The following RMDN2 variants were observed in gnomAD, a reference collection of about 807,000 sequenced individuals.
RMDN2 encodes the protein regulator of microtubule dynamics protein 2.
RMDN2 carries 61 observed loss-of-function variants against 52.8 expected under a neutral mutation model. The ratio of observed to expected loss-of-function variants is 1.16; its 90% CI spans 0.94 to 1.43. RMDN2 has a LOEUF of 1.43. Ranked by LOEUF, RMDN2 falls within the 40% of genes most tolerant of loss-of-function variation. RMDN2 has a pLI of 0.00. For missense variants in RMDN2, 592 were observed against 475.3 expected (o/e 1.25, Z -2.28); for synonymous variants, 180 against 153.1 (o/e 1.18, Z -1.30).
intron 10 of RMDN2, among the ~76,000 whole-genome samples, chr2:38,063,736 G>A (rs1682149863): frequency 6.6e-6 from 1 of 152,024 alleles, no homozygotes; most frequent in African/African-American, 2.4e-5. Context: ...TCAAAAAGTG[G>A]GCGAAGGATA....
intron 10 of RMDN2, among the ~76,000 whole-genome samples, chr2:38,013,968 C>T (rs920508711): frequency 1.3e-5 from 2 of 151,960 alleles, no homozygotes; most frequent in African/African-American, 2.4e-5. Flanking sequence ...GCACTTTGGG[C>T]GGCCGAGGCG....
intron 7 of RMDN2, among the ~76,000 whole-genome samples, chr2:37,994,057 T>C (rs1675182090): frequency 6.6e-6 from 1 of 152,192 alleles, no homozygotes; most frequent in African/African-American, 2.4e-5. Flanking sequence ...TACCTTTAGA[T>C]AGGCTTTGTC....
At chr2:37,946,051 C>G (rs1668192879) in intron 2 of RMDN2, among the ~76,000 whole-genome samples, 1 of 152,172 alleles carries the variant, frequency 6.6e-6, no homozygotes, top group East Asian at 1.9e-4. Context: ...CAGGTGGGTT[C>G]AACATACTAT....
intron 10 of RMDN2, among the ~76,000 whole-genome samples, chr2:38,046,852 G>A (rs868682876): frequency 1.6e-4 from 25 of 151,972 alleles, no homozygotes; most frequent in African/African-American, 5.8e-4. Flanking sequence ...GCCTAGTGGC[G>A]GGTGCCTGTA....
intron 2 of RMDN2, chr2:37,963,074 T>G (rs959647942): frequency 6.5e-6 from 1 of 152,708 alleles, no homozygotes; most frequent in African/African-American, 2.4e-5. Context: ...GTACCTCAAA[T>G]GGAAATGCAG....
intron 10 of RMDN2, among the ~76,000 whole-genome samples, chr2:38,005,398 C>G (rs1288865422): frequency 1.3e-5 from 2 of 152,170 alleles, no homozygotes; most frequent in South Asian, 4.1e-4. Flanking sequence ...GCCATTCTAA[C>G]TGGTGTGAGA....
intron 7 of RMDN2, among the ~76,000 whole-genome samples, chr2:37,997,125 T>G (rs191814340): frequency 1.5e-3 from 228 of 152,196 alleles, no homozygotes; most frequent in African/African-American, 5.2e-3. Context: ...TTCCTCTGAT[T>G]TGACACAAAT....
At chr2:37,951,380 C>G in intron 2 of RMDN2, 1 of 1,613,256 alleles carries the variant, frequency 6.2e-7, no homozygotes, top group Non-Finnish European at 8.5e-7. Context: ...CACATAAAGT[C>G]AATGCAGCCA....
intron 2 of RMDN2, among the ~76,000 whole-genome samples, chr2:37,967,971 G>C (rs1075168): frequency 0.31 from 46,595 of 152,076 alleles, 7,839 homozygotes; most frequent in East Asian, 0.63. Context: ...TATGTGCTGA[G>C]AAATAAAGTT....
chr2:37,948,619 A>G (rs998449156), intron 2 of RMDN2, among the ~76,000 whole-genome samples: 2 of 151,468 alleles, frequency 1.3e-5, no homozygotes, highest in African/African-American at 4.8e-5. Flanking sequence ...AAAAGCCAAA[A>G]GGAGGCAATT....
chr2:37,955,129 G>A (rs1039679347), intron 2 of RMDN2, among the ~76,000 whole-genome samples: 1 of 152,052 alleles, frequency 6.6e-6, no homozygotes, highest in Non-Finnish European at 1.5e-5. Context: ...TAAAGATTGT[G>A]TTGTCTGTGA....
chr2:38,064,833 A>C (rs1297817600), intron 10 of RMDN2, among the ~76,000 whole-genome samples: 1 of 152,194 alleles, frequency 6.6e-6, no homozygotes, highest in Non-Finnish European at 1.5e-5. Context: ...ATTTCATTTA[A>C]AAATAAAGAG....
intron 10 of RMDN2, among the ~76,000 whole-genome samples, chr2:38,034,025 C>G (rs1680405681): frequency 1.3e-5 from 2 of 152,230 alleles, no homozygotes; most frequent in Non-Finnish European, 2.9e-5. Flanking sequence ...CTAGCTTTTC[C>G]TATTTTGTAA....
intron 2 of RMDN2, among the ~76,000 whole-genome samples, chr2:37,956,845 C>T (rs1669541825): frequency 6.6e-6 from 1 of 151,982 alleles, no homozygotes; most frequent in South Asian, 2.1e-4. Flanking sequence ...GTGATGTTCC[C>T]CTCCCTATGT....
At chr2:38,065,317 T>C (rs561895163) in intron 10 of RMDN2, among the ~76,000 whole-genome samples, 1 of 152,058 alleles carries the variant, frequency 6.6e-6, no homozygotes, top group African/African-American at 2.4e-5. Context: ...ATTAAGCATA[T>C]TGTAATACTT....
intron 2 of RMDN2, among the ~76,000 whole-genome samples, chr2:37,957,997 G>T (rs1486893846): frequency 8.5e-5 from 13 of 152,108 alleles, no homozygotes; most frequent in African/African-American, 2.7e-4. Context: ...CTATTCCATT[G>T]GTCTATATAT....
chr2:38,039,481 T>C (rs1256616581), intron 10 of RMDN2, among the ~76,000 whole-genome samples: 1 of 152,186 alleles, frequency 6.6e-6, no homozygotes, highest in Non-Finnish European at 1.5e-5. Flanking sequence ...CCCCCGCTTC[T>C]CTGGGAAAAT....
chr2:38,022,101 C>T (rs1186440837), downstream of RMDN2, among the ~76,000 whole-genome samples: 3 of 152,056 alleles, frequency 2.0e-5, no homozygotes, highest in Admixed American at 6.5e-5. Context: ...CGGCTTATTT[C>T]GACTCCTTAA....
intron 5 of RMDN2, among the ~76,000 whole-genome samples, chr2:37,989,312 C>T (rs1356487859): frequency 6.6e-6 from 1 of 152,086 alleles, no homozygotes; most frequent in African/African-American, 2.4e-5. Flanking sequence ...GCTTATTTTA[C>T]CCTCACAGTA....
Sources: gnomAD v4.1 joint callset for allele counts (sites outside exome capture counted in the v4.1 genomes callset) on GRCh38, gnomAD v4.1.1 for gene constraint, MANE v1.5 for transcripts, NCBI Gene and HGNC (gene_info 2026-07-23, HGNC 2026-07-21) for gene names.